The following THBS2 variants were observed in gnomAD, a reference collection of about 807,000 sequenced individuals.
THBS2 encodes thrombospondin-2.
THBS2 carries 47 observed loss-of-function variants against 135.2 expected under a neutral mutation model. The observed-to-expected ratio is 0.35, with a 90% confidence interval of 0.28 to 0.44. The LOEUF is 0.44. Among genes scored for constraint, THBS2 ranks in the 20% least tolerant of loss-of-function variants. The pLI is 1.00. For missense variants in THBS2, 1,288 were observed against 1,603.1 expected (o/e 0.80, Z 3.36); for synonymous variants, 639 against 633.8 (o/e 1.01, Z -0.12).
At chr6:169,245,076 C>G (rs925912823) in intron 4 of THBS2, among the ~76,000 whole-genome samples, 1 of 152,214 alleles carries the variant, frequency 6.6e-6, no homozygotes, top group African/African-American at 2.4e-5. Context: ...ACAGTTTACG[C>G]TTGTCATAAT....
In THBS2 at chr6:169,228,197, C is replaced by T. The variant is rs530887135; in HGVS notation, c.2344G>A (p.Val782Met). The T allele has an allele frequency of 1.2e-5, 19 of 1,614,128 alleles. No homozygotes were observed. Among genetic ancestry groups the T allele is most frequent in the East Asian group, 4.5e-5 (2 of 44,874 alleles). ...GTGTCGATCTGGGCAGGGTTGTGCA[C>T]GTAAGGGCAGTTGTCACAGCGGTCC... ...VGDRCDNCPY[V>M]HNPAQIDTDN... Residue 782 changes from valine to methionine, a missense_variant, in exon 15 of 22, where the codon GTG becomes ATG. This residue lies in a region of THBS2 where 874 missense variants were observed against 1,156.1 expected (regional missense o/e 0.76). Coordinates refer to ENST00000617924, the MANE Select transcript of THBS2 (RefSeq NM_003247.5).
intron 21 of THBS2, among the ~76,000 whole-genome samples, chr6:169,219,415 T>TA (rs1307450401): frequency 6.6e-6 from 1 of 151,620 alleles, no homozygotes; most frequent in Non-Finnish European, 1.5e-5. Flanking sequence ...ATGGATGAGA[T>TA]ATATGGGTGG....
intron 21 of THBS2, among the ~76,000 whole-genome samples, chr6:169,218,635 GAT>G (rs1779282745): frequency 1.1e-5 from 1 of 94,624 alleles, no homozygotes; most frequent in African/African-American, 3.9e-5. Context: ...GGATGGATGA[GAT>G]GGATGGTTGG....
At chr6:169,243,320 G>T (rs1001201477) in intron 4 of THBS2, among the ~76,000 whole-genome samples, 4 of 152,196 alleles carry the variant, frequency 2.6e-5, no homozygotes, top group African/African-American at 7.2e-5. Context: ...CGGAGGCGGG[G>T]TCCAGTCCTC....
chr6:169,239,712 G>C lies in THBS2; in HGVS notation c.1033-17C>G. The C allele has an allele frequency of 7.0e-6, 11 of 1,565,314 alleles. No homozygotes were observed. The highest frequency in any genetic ancestry group is 8.7e-6 in the Non-Finnish European group (10 of 1,150,394). ...TTTAAATTTCTACAAGTGAAGAAAG[G>C]CATGCATGGAACACTCATTTAAAAG... is the stretch of plus-strand genomic sequence containing the variant. On this transcript the variant is annotated splice_polypyrimidine_tract_variant and intron_variant, in intron 6 of 21. Coordinates refer to ENST00000617924, the MANE Select transcript of THBS2 (RefSeq NM_003247.5).
chr6:169,230,300 G>A (rs1006075222), intron 13 of THBS2, among the ~76,000 whole-genome samples: 2 of 152,182 alleles, frequency 1.3e-5, no homozygotes, highest in Non-Finnish European at 2.9e-5. Flanking sequence ...GAGGGAATTG[G>A]AAATCCAGGA....
At chr6:169,249,065 A>G in intron 2 of THBS2, 92 bp from the exon 3 acceptor site, 2 of 1,286,118 alleles carry the variant, frequency 1.6e-6, no homozygotes, top group Non-Finnish European at 2.1e-6. Context: ...CTCGCGTGTA[A>G]GGAAATTAAC....
At chr6:169,235,311 C>T (rs916318426) in intron 9 of THBS2, among the ~76,000 whole-genome samples, 3 of 151,996 alleles carry the variant, frequency 2.0e-5, no homozygotes, top group Non-Finnish European at 4.4e-5. Flanking sequence ...CATGAGCCAC[C>T]GTGCCCGGCC....
At chr6:169,250,939 T>C (rs1780730209) in intron 1 of THBS2, 133 bp from the exon 2 acceptor site, 1 of 517,358 alleles carries the variant, frequency 1.9e-6, no homozygotes. Flanking sequence ...ACTGGATTTG[T>C]GGCAAACTGA....
At position 169,241,140 on chromosome 6, in the gene THBS2, G is replaced by A. The variant is rs1487646009; in HGVS notation, c.892-548C>T. On this transcript the variant is annotated intron_variant, in intron 5 of 21. Transcript: ENST00000617924. This position sits in a 1 kb window ranked among gnomAD's most constrained non-coding sequence, Gnocchi z 5.5. ...TTTACTTCATGCCCTCTGGGTACGA[G>A]TGACAGTCAGCATCACTGCACCCTG... is the stretch of plus-strand genomic sequence containing the variant. Among the ~76,000 whole-genome samples, 3 of 151,250 alleles carry A rather than the reference G, an allele frequency of 2.0e-5. No individual in the cohort carries two copies. The highest frequency in any genetic ancestry group is 7.3e-5 in the African/African-American group (3 of 41,264).
intron 2 of THBS2, among the ~76,000 whole-genome samples, chr6:169,249,488 C>T (rs1325063939): frequency 6.6e-6 from 1 of 152,188 alleles, no homozygotes; most frequent in African/African-American, 2.4e-5. Context: ...GGATCTTTAG[C>T]CTTGCTATTG....
rs1779868284 is a variant in THBS2 at position 169,232,313 on chromosome 6, G to A, written c.1933-115C>T. 7 of 1,187,700 alleles carry A rather than the reference G, an allele frequency of 5.9e-6. No homozygotes were observed. The South Asian group carries it at 9.4e-5, about 16-fold the overall frequency. The allele number at this position is 1,187,700 out of a possible 1,614,324, so 73.6% of individuals were successfully genotyped here. On this transcript the variant is annotated intron_variant, in intron 12 of 21. Transcript: ENST00000617924. ...CAGGTCCGGTCCCAAGCGGACCCAAGTCCTGAAGTGGGAAGGGCTTTCTGG... is the reference window on the plus strand; with the variant it reads ...CAGGTCCGGTCCCAAGCGGACCCAAATCCTGAAGTGGGAAGGGCTTTCTGG...
At chr6:169,244,817 G>A (rs913754043) in intron 4 of THBS2, among the ~76,000 whole-genome samples, 1 of 152,142 alleles carries the variant, frequency 6.6e-6, no homozygotes, top group Admixed American at 6.5e-5. Flanking sequence ...CACAGTGAGG[G>A]TCGTGGTGGG....
At chr6:169,246,973 T>A (rs1328421338) in intron 3 of THBS2, among the ~76,000 whole-genome samples, 1 of 152,320 alleles carries the variant, frequency 6.6e-6, no homozygotes, top group East Asian at 1.9e-4. Flanking sequence ...AAAATGGACA[T>A]GAAACCATTC....
intron 7 of THBS2, among the ~76,000 whole-genome samples, chr6:169,238,719 G>C (rs760445617): frequency 6.6e-6 from 1 of 152,228 alleles, no homozygotes; most frequent in Non-Finnish European, 1.5e-5. Flanking sequence ...CAAAATCACA[G>C]AGTGGCAGAG....
intron 2 of THBS2, among the ~76,000 whole-genome samples, chr6:169,249,270 A>C (rs1049351301): frequency 1.3e-5 from 2 of 152,108 alleles, no homozygotes; most frequent in African/African-American, 2.4e-5. Context: ...CGGTGGAGAC[A>C]GGCAGCGCCC....
intron 3 of THBS2, among the ~76,000 whole-genome samples, chr6:169,247,792 G>T: frequency 6.6e-6 from 1 of 151,172 alleles, no homozygotes; most frequent in East Asian, 2.0e-4. Context: ...ATGTGCACAC[G>T]TCTGTGAATG....
chr6:169,246,066 G>C, intron 4 of THBS2, 131 bp downstream of exon 4: 3 of 631,376 alleles, frequency 4.8e-6, no homozygotes, highest in Non-Finnish European at 8.0e-6. Flanking sequence ...AATAGTGGTA[G>C]TTACCCAAAT....
At chr6:169,245,754 T>A (rs1306349579) in intron 4 of THBS2, among the ~76,000 whole-genome samples, 2 of 143,800 alleles carry the variant, frequency 1.4e-5, no homozygotes, top group East Asian at 4.2e-4. Context: ...ATCGCACCAC[T>A]GCACTCCAGC....
Sources: allele counts gnomAD v4.1 joint callset (sites outside exome capture counted in the v4.1 genomes callset), GRCh38; gene constraint gnomAD v4.1.1; regional missense constraint gnomAD v4.1.1; non-coding constraint Gnocchi (gnomAD v3.1); transcripts MANE v1.5; gene names NCBI Gene and HGNC (gene_info 2026-07-23, HGNC 2026-07-21).